The following CD9 variants were observed in gnomAD, a reference collection of about 807,000 sequenced individuals.
CD9 encodes the protein CD9 molecule, also known as CD9 antigen.
CD9 carries 10 observed loss-of-function variants against 31.4 expected under a neutral mutation model. That is an observed-to-expected ratio of 0.32 (90% CI 0.20 to 0.54). The LOEUF (loss-of-function observed/expected upper bound fraction) is 0.54, where lower values mean the gene tolerates loss of function less well. Ranked by LOEUF, CD9 falls within the 20% of genes least tolerant of loss-of-function variation. CD9 has a pLI of 0.94. For synonymous variants in CD9, 113 were observed against 114.1 expected, an observed-to-expected ratio of 0.99 and a Z score of 0.06; for missense variants, 259 against 300.1, an observed-to-expected ratio of 0.86 and a Z score of 1.01.
chr12:6,210,018 C>G (rs1379324889), intron 1 of CD9, among the ~76,000 whole-genome samples: 1 of 152,168 alleles, frequency 6.6e-6, no homozygotes, highest in African/African-American at 2.4e-5. Context: ...ATTAGATTAT[C>G]TTCTAGGATG....
At chr12:6,202,889 C>A (rs1484126753) in intron 1 of CD9, among the ~76,000 whole-genome samples, 3 of 152,190 alleles carry the variant, frequency 2.0e-5, no homozygotes, top group Non-Finnish European at 2.9e-5. Flanking sequence ...TATTACAATT[C>A]CTGGGGCCCC....
At chr12:6,210,692 A>G (rs1946185206) in intron 1 of CD9, among the ~76,000 whole-genome samples, 1 of 152,218 alleles carries the variant, frequency 6.6e-6, no homozygotes, top group Non-Finnish European at 1.5e-5. Context: ...AAGGGAAAAA[A>G]TTCTGGCTTC....
At chr12:6,225,847 A>T in intron 2 of CD9, 1 of 312,318 alleles carries the variant, frequency 3.2e-6, no homozygotes, top group South Asian at 4.8e-5. Context: ...CTCATCTCTG[A>T]TGCTCTCTCC....
chr12:6,232,799 C>G lies in CD9; in HGVS notation c.273+70C>G. ...AACAAAAACCTCAGCAGGCCCAGAC[C>G]CAGACCACAGAACAGATGGAGGGGG... is the stretch of plus-strand genomic sequence containing the variant. On this transcript the variant is annotated intron_variant, in intron 3 of 7. Coordinates refer to ENST00000009180, the MANE Select transcript of CD9 (RefSeq NM_001769.4). This position sits in a 1 kb window ranked among gnomAD's most constrained non-coding sequence, Gnocchi z 4.8. 1 of 1,017,350 alleles carries G rather than the reference C, an allele frequency of 9.8e-7. No homozygotes were observed. The highest frequency in any genetic ancestry group is 2.0e-5 in the Admixed American group (1 of 49,788). 63.0% of individuals were successfully genotyped at this position (1,017,350 alleles called of 1,614,324 possible). A position where few individuals can be genotyped will look rare whatever the true frequency, so the allele number is the denominator to read the frequency against.
At chr12:6,213,731 A>C (rs895195150) in intron 1 of CD9, among the ~76,000 whole-genome samples, 1 of 152,122 alleles carries the variant, frequency 6.6e-6, no homozygotes, top group African/African-American at 2.4e-5. Flanking sequence ...AGGAAGTGGA[A>C]GGAAGGTAGC....
intron 2 of CD9, among the ~76,000 whole-genome samples, chr12:6,227,528 T>G (rs1449203585): frequency 3.3e-5 from 5 of 152,234 alleles, no homozygotes; most frequent in Non-Finnish European, 7.3e-5. Context: ...AGCCCCCTTC[T>G]TTGTGTGTCA....
chr12:6,204,567 G>C (rs1272196929), intron 1 of CD9, among the ~76,000 whole-genome samples: 1 of 152,128 alleles, frequency 6.6e-6, no homozygotes, highest in Non-Finnish European at 1.5e-5. Context: ...TCTCAGGGGT[G>C]TTCATTGCCC....
chr12:6,210,835 CTT>C (rs143561091), intron 1 of CD9, among the ~76,000 whole-genome samples: 45,264 of 130,040 alleles, frequency 0.35, 7,045 homozygotes, highest in Admixed American at 0.46. Flanking sequence ...AGTTGAGCAA[CTT>C]TTTTTTTTTT....
intron 1 of CD9, among the ~76,000 whole-genome samples, chr12:6,210,208 C>T (rs1049282168): frequency 2.6e-5 from 4 of 152,192 alleles, no homozygotes; most frequent in Non-Finnish European, 5.9e-5. Flanking sequence ...CCGGGTCCCA[C>T]TCTGGGGCTG....
intron 2 of CD9, among the ~76,000 whole-genome samples, chr12:6,229,255 C>T (rs1011445172): frequency 6.6e-6 from 1 of 152,190 alleles, no homozygotes; most frequent in Non-Finnish European, 1.5e-5. Flanking sequence ...GCCCCCCCTT[C>T]CTCGGCCAGC....
At chr12:6,200,814 CTT>C (rs975864606) in intron 1 of CD9, 18 of 430,468 alleles carry the variant, frequency 4.2e-5, no homozygotes, top group African/African-American at 3.8e-4. Flanking sequence ...GCCGGGCCCT[CTT>C]GAGATGAGGC....
At chr12:6,216,531 T>G (rs1301035789) in intron 1 of CD9, among the ~76,000 whole-genome samples, 2 of 152,164 alleles carry the variant, frequency 1.3e-5, no homozygotes, top group African/African-American at 4.8e-5. Context: ...ATAACTCCTT[T>G]CAGCAGGGTT....
chr12:6,206,499 C>T (rs1946134318), intron 1 of CD9, among the ~76,000 whole-genome samples: 1 of 152,184 alleles, frequency 6.6e-6, no homozygotes, highest in Admixed American at 6.5e-5. Flanking sequence ...GCTAGGATTA[C>T]AGGAATGAGC....
rs181512369 is a variant in CD9, at chr12:6,236,798, G to A, written c.621+523G>A. The A allele has an allele frequency of 2.6e-3, 655 of 250,646 alleles. 2 individuals are homozygous for A. The highest frequency in any genetic ancestry group is 2.0e-3 in the Non-Finnish European group (261 of 132,276). 15.5% of individuals were successfully genotyped at this position (250,646 alleles called of 1,614,324 possible). A position where few individuals can be genotyped will look rare whatever the true frequency, so the allele number is the denominator to read the frequency against. On this transcript the variant is annotated intron_variant, in intron 7 of 7. Coordinates refer to ENST00000009180, the MANE Select transcript of CD9 (RefSeq NM_001769.4). ...CAGCCCCAGACGGAACATGGTCCTC[G>A]CTGGGATGGCCTTGGCTCACTGAGT... is the stretch of plus-strand genomic sequence containing the variant.
intron 1 of CD9, among the ~76,000 whole-genome samples, chr12:6,222,230 G>A (rs1261203340): frequency 6.6e-6 from 1 of 152,126 alleles, no homozygotes; most frequent in African/African-American, 2.4e-5. Context: ...ACAGAAAATG[G>A]GGCAGCTGAT....
At chr12:6,217,684 G>T (rs1206503238) in intron 1 of CD9, among the ~76,000 whole-genome samples, 2 of 152,168 alleles carry the variant, frequency 1.3e-5, no homozygotes, top group Non-Finnish European at 2.9e-5. Context: ...CATGGGCTCA[G>T]CAGAGTAACC....
At chr12:6,219,764 C>T (rs1413881716) in intron 1 of CD9, among the ~76,000 whole-genome samples, 1 of 152,190 alleles carries the variant, frequency 6.6e-6, no homozygotes, top group Admixed American at 6.5e-5. Context: ...GGATGACAGG[C>T]AAGAGCCACT....
At chr12:6,229,321 A>T (rs1946411698) in intron 2 of CD9, among the ~76,000 whole-genome samples, 1 of 152,206 alleles carries the variant, frequency 6.6e-6, no homozygotes, top group African/African-American at 2.4e-5. Flanking sequence ...ACTTGGCCTT[A>T]GTAAGCTGGC....
At chr12:6,227,413 G>A (rs1424954861) in intron 2 of CD9, among the ~76,000 whole-genome samples, 1 of 152,096 alleles carries the variant, frequency 6.6e-6, no homozygotes, top group African/African-American at 2.4e-5. Context: ...GGTCAGGCTC[G>A]TCTCCAACTC....
Sources: gnomAD v4.1 joint callset for allele counts (sites outside exome capture counted in the v4.1 genomes callset) on GRCh38, gnomAD v4.1.1 for gene constraint, Gnocchi (gnomAD v3.1) non-coding constraint, MANE v1.5 for transcripts, NCBI Gene and HGNC (gene_info 2026-07-23, HGNC 2026-07-21) for gene names.